RPF2: variants seen among roughly 807,000 people sequenced by gnomAD.
RPF2 encodes brix domain containing 1.
Under a neutral mutation model 38.9 loss-of-function variants are expected in RPF2, and 21 were observed. That is an observed-to-expected ratio of 0.54 (90% CI 0.38 to 0.78). The LOEUF (loss-of-function observed/expected upper bound fraction) is 0.78. RPF2 is among the 30% of genes least tolerant of loss of function. RPF2 has a pLI of 0.00. For missense variants in RPF2, 314 were observed against 358.1 expected (o/e 0.88, Z 0.99); for synonymous variants, 121 against 126.2 (o/e 0.96, Z 0.28).
intron 4 of RPF2, among the ~76,000 whole-genome samples, chr6:110,996,900 C>G (rs1376933569): frequency 1.3e-5 from 2 of 152,154 alleles, no homozygotes; most frequent in Admixed American, 6.5e-5. Context: ...CTTCTGGGTT[C>G]AAGCGATTCT....
At chr6:110,987,953 G>A (rs114669368) in intron 2 of RPF2, among the ~76,000 whole-genome samples, 1,707 of 152,020 alleles carry the variant, frequency 0.011, 31 homozygotes, top group African/African-American at 0.039. Flanking sequence ...AGCCTAGGAT[G>A]ACAGCCTGGA....
intron 2 of RPF2, among the ~76,000 whole-genome samples, chr6:110,988,622 A>AGACAGG (rs1227666802): frequency 1.3e-5 from 2 of 152,048 alleles, no homozygotes; most frequent in African/African-American, 4.8e-5. Context: ...TTTTTTGTAG[A>AGACAGG]GACAGGGTTT....
Position 110,989,025 on chromosome 6 carries a change from C to T in RPF2, c.157-3C>T, listed in dbSNP as rs774623616. The T allele has an allele frequency of 1.4e-5, 23 of 1,594,088 alleles. No individual in the cohort carries two copies. The highest frequency in any genetic ancestry group is 1.8e-5 in the Non-Finnish European group (21 of 1,170,330). ...TTTGAAAGCTATAAATTTTGTTTTA[C>T]AGTATGCACTGAAAAAACCATACGG... On this transcript the variant is annotated splice_polypyrimidine_tract_variant and splice_region_variant and intron_variant, in intron 2 of 9. Coordinates refer to ENST00000441448, the MANE Select transcript of RPF2 (RefSeq NM_032194.3).
intron 8 of RPF2, among the ~76,000 whole-genome samples, chr6:111,020,595 CT>C (rs1485674040): frequency 1.3e-5 from 2 of 152,218 alleles, no homozygotes; most frequent in African/African-American, 4.8e-5. Flanking sequence ...AGCGTGGTGG[CT>C]CATGCCTGTA....
At chr6:111,019,938 G>A (rs995575589) in intron 8 of RPF2, among the ~76,000 whole-genome samples, 7 of 145,164 alleles carry the variant, frequency 4.8e-5, no homozygotes, top group Admixed American at 1.4e-4. Flanking sequence ...TTTTTGAGAC[G>A]GAGTCTCGCT....
intron 2 of RPF2, among the ~76,000 whole-genome samples, chr6:110,986,631 A>T (rs1330714064): frequency 6.6e-6 from 1 of 152,142 alleles, no homozygotes; most frequent in Non-Finnish European, 1.5e-5. Flanking sequence ...CATAGTAGGT[A>T]CTCAATATAT....
chr6:110,991,848 C>A, intron 4 of RPF2, 62 bp downstream of exon 4: 2 of 587,096 alleles, frequency 3.4e-6, no homozygotes, highest in South Asian at 6.2e-5. Flanking sequence ...CAGACTAATT[C>A]ATTTGTACTC....
chr6:110,991,800 T>A lies in RPF2; in HGVS notation c.234+14T>A. The A allele has an allele frequency of 1.9e-6, 2 of 1,076,394 alleles. No individual in the cohort carries two copies. Among genetic ancestry groups the A allele is most frequent in the Non-Finnish European group, 2.7e-6 (2 of 754,028 alleles). The allele number at this position is 1,076,394 out of a possible 1,614,324, so 66.7% of individuals were successfully genotyped here. A position where few individuals can be genotyped will look rare whatever the true frequency, so the allele number is the denominator to read the frequency against. ...CAGACATCACTGGTAAGTATAATAA[T>A]CTTTATGATTTAAGAAAGCATATAA... On this transcript the variant is annotated intron_variant, in intron 4 of 9. Transcript: ENST00000441448.
At chr6:110,999,304 G>T (rs1433518954) in intron 5 of RPF2, among the ~76,000 whole-genome samples, 1 of 151,610 alleles carries the variant, frequency 6.6e-6, no homozygotes, top group Non-Finnish European at 1.5e-5. Flanking sequence ...ATATATATAT[G>T]TACTAAATCA....
chr6:110,988,257 GA>G (rs1490382893), intron 2 of RPF2, among the ~76,000 whole-genome samples: 3 of 152,028 alleles, frequency 2.0e-5, no homozygotes, highest in African/African-American at 4.8e-5. Context: ...GTAGAACTAG[GA>G]AAAAAATGAA....
intron 3 of RPF2, among the ~76,000 whole-genome samples, chr6:110,990,653 C>G (rs554836442): frequency 2.7e-5 from 4 of 148,762 alleles, no homozygotes; most frequent in Admixed American, 6.8e-5. Flanking sequence ...GGTGCGACCT[C>G]AGCTCACCAC....
chr6:110,999,680 A>G (rs1344311702), intron 5 of RPF2, 31 bp from the exon 6 acceptor site: 14 of 1,462,592 alleles, frequency 9.6e-6, no homozygotes, highest in African/African-American at 2.8e-5. Context: ...TTTGGGAAAA[A>G]TACATGCTTA....
At position 111,024,260 on chromosome 6, in the gene RPF2, TGAG is replaced by T; in HGVS notation, c.680_682del (p.Arg227del). 3 of 1,612,102 alleles carry T rather than the reference TGAG, an allele frequency of 1.9e-6. No individual in the cohort carries two copies. The highest frequency in any genetic ancestry group is 2.5e-6 in the Non-Finnish European group (3 of 1,179,880). On this transcript the variant is annotated inframe_deletion, in exon 9 of 10. Transcript: ENST00000441448. ...ATGGGACCCTCATTGGATCTGGTTCTGAGGAGGACACACCTGGCATCGGATGAC... is the reference window on the plus strand; with the variant it reads ...ATGGGACCCTCATTGGATCTGGTTCTGAGGACACACCTGGCATCGGATGAC...
rs545026764 is a variant in RPF2 at position 110,984,701 on chromosome 6, G to A, written c.24-305G>A. ...CTAAAAATACAAAAATTACCCAGGCGTGGTGGTGTGTGCCTGTAATTCTAG... is the reference window on the plus strand; with the variant it reads ...CTAAAAATACAAAAATTACCCAGGCATGGTGGTGTGTGCCTGTAATTCTAG... On this transcript the variant is annotated intron_variant, in intron 1 of 9. Transcript: ENST00000441448. 2.2e-4 allele frequency among the ~76,000 whole-genome samples: 33 copies of A among 152,130 alleles called. 1 individual carries two copies. In the South Asian group the frequency reaches 5.6e-3, roughly 26 times the overall value.
chr6:111,019,589 TGGTC>T (rs1219114438), intron 8 of RPF2, among the ~76,000 whole-genome samples: 1 of 151,846 alleles, frequency 6.6e-6, no homozygotes. Flanking sequence ...ATACAAAAAT[TGGTC>T]AGGCATGGTG....
intron 4 of RPF2, among the ~76,000 whole-genome samples, chr6:110,992,134 C>A (rs529502257): frequency 2.0e-5 from 3 of 152,136 alleles, no homozygotes; most frequent in African/African-American, 7.2e-5. Flanking sequence ...TGGAGAAACC[C>A]CGTCTCTACT....
At chr6:110,989,216 GT>G (rs1562365954) in intron 3 of RPF2, 151 bp downstream of exon 3, 1 of 839,790 alleles carries the variant, frequency 1.2e-6, no homozygotes, top group Non-Finnish European at 1.7e-6. Flanking sequence ...CTTTTGGTCT[GT>G]TTTTTTCATT....
At chr6:111,021,699 CTCATAGA>C (rs1772238033) in intron 8 of RPF2, among the ~76,000 whole-genome samples, 1 of 152,176 alleles carries the variant, frequency 6.6e-6, no homozygotes, top group African/African-American at 2.4e-5. Flanking sequence ...TAAAGGGGTA[CTCATAGA>C]TGGGCATATA....
intron 8 of RPF2, among the ~76,000 whole-genome samples, chr6:111,016,597 AAAC>A (rs1772113723): frequency 6.6e-6 from 1 of 151,628 alleles, no homozygotes; most frequent in African/African-American, 2.4e-5. Flanking sequence ...GGCGCTGAAA[AAAC>A]AAAAAACAAA....
Sources: allele counts gnomAD v4.1 joint callset (sites outside exome capture counted in the v4.1 genomes callset), GRCh38; gene constraint gnomAD v4.1.1; transcripts MANE v1.5; gene names NCBI Gene and HGNC (gene_info 2026-07-23, HGNC 2026-07-21).